Variants in ATXN7L1 observed in about 807,000 individuals in gnomAD.
ATXN7L1 encodes the protein ataxin 7 like 1.
In ATXN7L1, 15 loss-of-function variants were observed where a neutral mutation model predicts 70.8. That is an observed-to-expected ratio of 0.21 (90% CI 0.14 to 0.33). The LOEUF is 0.33. ATXN7L1 is among the 10% of genes least tolerant of loss of function. The pLI is 1.00. For synonymous variants in ATXN7L1, 440 were observed against 445.1 expected, an observed-to-expected ratio of 0.99 and a Z score of 0.14; for missense variants, 975 against 1,097.1, an observed-to-expected ratio of 0.89 and a Z score of 1.57.
chr7:105,875,687 G>T, intron 2 of ATXN7L1, 125 bp downstream of exon 2: 1 of 661,296 alleles, frequency 1.5e-6, no homozygotes, highest in Non-Finnish European at 2.4e-6. Context: ...TAGTCACCTG[G>T]GCGTGCTCAA....
intron 2 of ATXN7L1, among the ~76,000 whole-genome samples, chr7:105,811,797 C>G (rs1808473502): frequency 6.6e-6 from 1 of 152,082 alleles, no homozygotes; most frequent in African/African-American, 2.4e-5. Context: ...GAAGAAAAAC[C>G]AAGAGTGCCA....
intron 3 of ATXN7L1, among the ~76,000 whole-genome samples, chr7:105,738,026 C>T (rs564963366): frequency 6.2e-4 from 94 of 152,266 alleles, no homozygotes; most frequent in African/African-American, 2.2e-3. Flanking sequence ...GGAGCAGACA[C>T]GAATAGGGAT....
Position 105,732,284 on chromosome 7 carries a change from G to A in ATXN7L1, c.355+56320C>T, listed in dbSNP as rs529851425. On this transcript the variant is annotated intron_variant, in intron 3 of 11. Transcript: ENST00000419735. ...AAAAATTCGCTGGGCGTGGTGGTGC[G>A]TGCCTGTAGTCCCATCTACTCAGGA... 1.2e-4 allele frequency among the ~76,000 whole-genome samples: 18 copies of A among 152,134 alleles called. No homozygotes were observed. In the East Asian group the frequency reaches 2.7e-3, roughly 23 times the overall value.
chr7:105,790,671 TCTA>T (rs145390133), intron 2 of ATXN7L1, among the ~76,000 whole-genome samples: 3,436 of 105,482 alleles, frequency 0.033, 59 homozygotes, highest in Admixed American at 0.057. Context: ...CTACTATCTA[TCTA>T]CTATCTATCT....
chr7:105,850,604 C>T (rs1814730270), intron 2 of ATXN7L1, among the ~76,000 whole-genome samples: 1 of 152,224 alleles, frequency 6.6e-6, no homozygotes, highest in African/African-American at 2.4e-5. Flanking sequence ...ACTTAAGAGG[C>T]CTAGCACTGA....
intron 2 of ATXN7L1, among the ~76,000 whole-genome samples, chr7:105,801,796 T>C (rs991263489): frequency 3.9e-5 from 6 of 152,160 alleles, no homozygotes; most frequent in South Asian, 2.1e-4. Context: ...AGACTTCACA[T>C]TGGTAGTTTG....
intron 3 of ATXN7L1, among the ~76,000 whole-genome samples, chr7:105,774,403 G>C (rs1389286803): frequency 1.3e-5 from 2 of 148,986 alleles, no homozygotes; most frequent in Non-Finnish European, 3.0e-5. Flanking sequence ...TCAGGCTGGA[G>C]TGCAGTGGCA....
chr7:105,679,462 C>T (rs530204094), intron 3 of ATXN7L1, among the ~76,000 whole-genome samples: 48 of 152,318 alleles, frequency 3.2e-4, no homozygotes, highest in African/African-American at 1.1e-3. Context: ...CCTCTTCGCT[C>T]AGGGTCTGAC....
intron 3 of ATXN7L1, among the ~76,000 whole-genome samples, chr7:105,681,261 C>T (rs981211661): frequency 6.6e-6 from 1 of 152,148 alleles, no homozygotes; most frequent in Non-Finnish European, 1.5e-5. Flanking sequence ...CCCATCTCTA[C>T]TAAAAATACA....
At chr7:105,793,290 C>T (rs1685089327) in intron 2 of ATXN7L1, among the ~76,000 whole-genome samples, 1 of 152,198 alleles carries the variant, frequency 6.6e-6, no homozygotes, top group African/African-American at 2.4e-5. Context: ...TGAGTGTCCT[C>T]ATCTCTGAAA....
chr7:105,701,715 T>G (rs1477091002), intron 3 of ATXN7L1, among the ~76,000 whole-genome samples: 2 of 152,176 alleles, frequency 1.3e-5, no homozygotes, highest in Non-Finnish European at 2.9e-5. Context: ...ATGCATTTTA[T>G]TTTTTTAGAG....
chr7:105,684,355 A>G (rs1805905503), intron 3 of ATXN7L1, among the ~76,000 whole-genome samples: 1 of 151,842 alleles, frequency 6.6e-6, no homozygotes, highest in South Asian at 2.1e-4. Flanking sequence ...CATTTTCATT[A>G]CTCCCTGATC....
At chr7:105,635,522 T>C (rs1797230013) in intron 7 of ATXN7L1, among the ~76,000 whole-genome samples, 3 of 152,194 alleles carry the variant, frequency 2.0e-5, no homozygotes, top group Non-Finnish European at 4.4e-5. Context: ...ATTAGCTCTG[T>C]TGTACAGATG....
chr7:105,614,003 T>C lies in ATXN7L1; in HGVS notation c.2331A>G (p.Gly777=). ...TAGAACTCGAGTTCTTACGCTTTTTTCCTTCTGATTTGTCAAAAGAGAGGG... is the reference window on the plus strand; with the variant it reads ...TAGAACTCGAGTTCTTACGCTTTTTCCCTTCTGATTTGTCAAAAGAGAGGG... The part of the protein sequence containing the change: ...SLPLSFDKSE[G]KKRKNSSSSS... The change falls in exon 10 of 12, where the codon GGA becomes GGG. Residue 777 remains glycine (G), a synonymous_variant. Coordinates refer to ENST00000419735, the MANE Select transcript of ATXN7L1 (RefSeq NM_020725.2). This position sits in a 1 kb window ranked among gnomAD's most constrained non-coding sequence, Gnocchi z 4.3. 1 of 1,552,150 alleles carries C rather than the reference T, an allele frequency of 6.4e-7. No individual in the cohort carries two copies. Among genetic ancestry groups the C allele is most frequent in the Non-Finnish European group, 8.7e-7 (1 of 1,147,086 alleles).
chr7:105,701,809 A>G (rs551344492), intron 3 of ATXN7L1, among the ~76,000 whole-genome samples: 97 of 152,300 alleles, frequency 6.4e-4, no homozygotes, highest in Non-Finnish European at 1.3e-3. Context: ...GGCTCAAGTG[A>G]TCCTCCTGCC....
chr7:105,757,738 C>T (rs1474400767), intron 3 of ATXN7L1, among the ~76,000 whole-genome samples: 1 of 147,820 alleles, frequency 6.8e-6, no homozygotes, highest in African/African-American at 2.6e-5. Flanking sequence ...ATGCAAAACC[C>T]CGCCTGGCTA....
chr7:105,804,334 G>A lies in ATXN7L1; in HGVS notation c.251-15626C>T, dbSNP rs1355273512. Among the ~76,000 whole-genome samples the A allele has an allele frequency of 2.0e-5, 3 of 152,302 alleles. No individual in the cohort carries two copies. The South Asian group carries it at 6.2e-4, about 32-fold the overall frequency. On this transcript the variant is annotated intron_variant, in intron 2 of 11. Coordinates refer to ENST00000419735, the MANE Select transcript of ATXN7L1 (RefSeq NM_020725.2). ...TGATTAAGAAGGGACTCCTGAGACT[G>A]GCTGTCCCCGACATGTGCATGTATG... is the stretch of plus-strand genomic sequence containing the variant.
intron 3 of ATXN7L1, among the ~76,000 whole-genome samples, chr7:105,737,528 CGTGTGTGTGTGTGTGTGT>C (rs71520935): frequency 1.3e-5 from 2 of 148,726 alleles, no homozygotes; most frequent in Admixed American, 1.3e-4. Context: ...CTAACGTCCC[CGTGTGTGTGTGTGTGTGT>C]GTGTGTGTGT....
chr7:105,674,413 C>T (rs775979038), intron 3 of ATXN7L1, among the ~76,000 whole-genome samples: 5 of 152,350 alleles, frequency 3.3e-5, no homozygotes, highest in Non-Finnish European at 7.3e-5. Flanking sequence ...ACCCAATAAC[C>T]CTACCATGTG....
Sources: allele counts gnomAD v4.1 joint callset (sites outside exome capture counted in the v4.1 genomes callset), GRCh38; gene constraint gnomAD v4.1.1; non-coding constraint Gnocchi (gnomAD v3.1); transcripts MANE v1.5; gene names NCBI Gene and HGNC (gene_info 2026-07-23, HGNC 2026-07-21).